The following C13orf42 variants were observed in gnomAD, a reference collection of about 807,000 sequenced individuals.
C13orf42 encodes the protein chromosome 13 open reading frame 42.
Position 51,091,149 on chromosome 13 carries a change from G to C in C13orf42, c.415-3074C>G, listed in dbSNP as rs137979507. On this transcript the variant is annotated intron_variant, in intron 1 of 3. Transcript: ENST00000563710. ...AGTGAGCTCCTTGGCTGACACTGAA[G>C]AGCCTGTTCTTCCAGGTCCCACTTC... Among the ~76,000 whole-genome samples, 1,391 of 152,296 alleles carry C rather than the reference G, an allele frequency of 9.1e-3. 25 individuals are homozygous for C. Among genetic ancestry groups the C allele is most frequent in the African/African-American group, 0.032 (1,332 of 41,566 alleles).
At position 51,084,259 on chromosome 13, in the gene C13orf42, G is replaced by A. The variant is rs745355490; in HGVS notation, c.870C>T (p.Leu290=). Residue 290 remains leucine (L), a synonymous_variant, in exon 4 of 4, where the codon CTC becomes CTT. Coordinates refer to ENST00000563710, the MANE Select transcript of C13orf42 (RefSeq NM_001351589.3). ...GAGACAACTGGGGCTCCAACGCAAA[G>A]AGCTCTGCATCCCACTCCATATCTT... ...SGEDMEWDAE[L]FALEPQLSPG... is the part of the protein sequence containing the mutation. 1.3e-4 allele frequency: 53 copies of A among 398,580 alleles called. No homozygotes were observed. The highest frequency in any genetic ancestry group is 1.9e-4 in the Non-Finnish European group (44 of 226,142). 24.7% of individuals were successfully genotyped at this position (398,580 alleles called of 1,614,324 possible).
At chr13:51,141,073 T>C (rs1953691689) in intron 1 of C13orf42, among the ~76,000 whole-genome samples, 1 of 147,212 alleles carries the variant, frequency 6.8e-6, no homozygotes, top group South Asian at 2.2e-4. Flanking sequence ...TCAGCTTAAT[T>C]AAAAGGCTAA....
intron 1 of C13orf42, among the ~76,000 whole-genome samples, chr13:51,165,885 A>G (rs1195808604): frequency 6.6e-6 from 1 of 152,252 alleles, no homozygotes; most frequent in Non-Finnish European, 1.5e-5. Context: ...TAATCGGCAT[A>G]GCACTATGCA....
chr13:51,116,087 C>A (rs1169981955), upstream of C13orf42, among the ~76,000 whole-genome samples: 1 of 152,050 alleles, frequency 6.6e-6, no homozygotes, highest in East Asian at 1.9e-4. Flanking sequence ...AAAAAAAGTC[C>A]TTGTAAGCAA....
At position 51,133,995 on chromosome 13, in the gene C13orf42, C is replaced by T. The variant is rs181875110; in HGVS notation, n.137-20773G>A. ...CAGGCATCCGCACACCTGCAGCATCCTGTGCACGCTCACACCATGTTCCTT... is the reference window on the plus strand; with the variant it reads ...CAGGCATCCGCACACCTGCAGCATCTTGTGCACGCTCACACCATGTTCCTT... On this transcript the variant is annotated intron_variant and non_coding_transcript_variant, in intron 1 of 4. Coordinates refer to the C13orf42 transcript ENST00000433280. Among the ~76,000 whole-genome samples, 534 of 152,300 alleles carry T rather than the reference C, an allele frequency of 3.5e-3. 4 individuals carry two copies. Among genetic ancestry groups the T allele is most frequent in the African/African-American group, 0.012 (516 of 41,556 alleles).
intron 1 of C13orf42, among the ~76,000 whole-genome samples, chr13:51,133,345 T>C (rs1953633449): frequency 6.6e-6 from 1 of 152,112 alleles, no homozygotes; most frequent in Admixed American, 6.5e-5. Flanking sequence ...TGCTATTTAA[T>C]AGGCACAGAG....
intron 1 of C13orf42, among the ~76,000 whole-genome samples, chr13:51,122,447 T>C (rs1953543358): frequency 6.6e-6 from 1 of 151,252 alleles, no homozygotes; most frequent in South Asian, 2.1e-4. Context: ...AGCAGGAGAA[T>C]TGCTTGAACT....
intron 1 of C13orf42, among the ~76,000 whole-genome samples, chr13:51,130,533 G>C (rs1953608180): frequency 6.6e-6 from 1 of 152,106 alleles, no homozygotes; most frequent in Admixed American, 6.6e-5. Context: ...AATTTATAAA[G>C]GGGATTTATG....
intron 1 of C13orf42, among the ~76,000 whole-genome samples, chr13:51,153,627 TTTC>T (rs1953800670): frequency 7.0e-6 from 1 of 142,560 alleles, no homozygotes; most frequent in Non-Finnish European, 1.5e-5. Flanking sequence ...TTCTGTTTTT[TTTC>T]TTTTTTTTTT....
chr13:51,170,377 C>T (rs1219070160), intron 1 of C13orf42, among the ~76,000 whole-genome samples: 1 of 152,144 alleles, frequency 6.6e-6, no homozygotes, highest in Non-Finnish European at 1.5e-5. Context: ...TGTCCTCCTG[C>T]TCTTTGCTCC....
At chr13:51,171,166 G>C (rs1017230466) in intron 1 of C13orf42, among the ~76,000 whole-genome samples, 1 of 151,892 alleles carries the variant, frequency 6.6e-6, no homozygotes, top group Admixed American at 6.6e-5. Flanking sequence ...CCCTTAGCCT[G>C]TGTTCTCAAA....
chr13:51,113,320 G>T (rs1468204990), upstream of C13orf42: 1 of 152,070 alleles, frequency 6.6e-6, no homozygotes, highest in East Asian at 1.9e-4. Context: ...CCATGACCCA[G>T]CAGCTGACTG....
intron 1 of C13orf42, among the ~76,000 whole-genome samples, chr13:51,143,782 C>T (rs1332106801): frequency 1.3e-5 from 2 of 152,034 alleles, no homozygotes; most frequent in African/African-American, 2.4e-5. Context: ...GCATTAGGTT[C>T]GCTAAAGTTC....
intron 1 of C13orf42, among the ~76,000 whole-genome samples, chr13:51,160,700 T>C (rs1051733228): frequency 5.3e-5 from 8 of 152,084 alleles, no homozygotes; most frequent in Admixed American, 3.3e-4. Context: ...GTGGCAGGTA[T>C]AAAATAAGTG....
At chr13:51,169,502 A>C (rs1566145001) in intron 1 of C13orf42, among the ~76,000 whole-genome samples, 1 of 152,236 alleles carries the variant, frequency 6.6e-6, no homozygotes. Flanking sequence ...GTTGATAGCC[A>C]ACATAATAGG....
At chr13:51,148,164 T>C (rs1953753043) in intron 1 of C13orf42, among the ~76,000 whole-genome samples, 1 of 152,172 alleles carries the variant, frequency 6.6e-6, no homozygotes, top group African/African-American at 2.4e-5. Flanking sequence ...TGATTACTTC[T>C]AGTGGAGAGG....
At chr13:51,152,319 A>G (rs893760396) in intron 1 of C13orf42, among the ~76,000 whole-genome samples, 5 of 152,214 alleles carry the variant, frequency 3.3e-5, no homozygotes, top group African/African-American at 1.2e-4. Flanking sequence ...TTTTATAAAC[A>G]CTTGGTTACA....
In C13orf42 at chr13:51,086,326, A is replaced by C. The variant is rs1189326333; in HGVS notation, c.563-767T>G. ...GTCTCAAAAAAAAAAACAAAAAAAA[A>C]CAAAAAAAAAAACAAGAAGACACAG... On this transcript the variant is annotated intron_variant, in intron 2 of 3. Transcript: ENST00000563710. Among the ~76,000 whole-genome samples, 79 of 145,134 alleles carry C rather than the reference A, an allele frequency of 5.4e-4. No individual in the cohort carries two copies. The East Asian group carries it at 0.014, about 26-fold the overall frequency.
At chr13:51,151,375 G>GAA (rs67940203) in intron 1 of C13orf42, among the ~76,000 whole-genome samples, 72 of 148,768 alleles carry the variant, frequency 4.8e-4, no homozygotes, top group Non-Finnish European at 6.6e-4. Flanking sequence ...GCTGGAAAAG[G>GAA]AAAAAAAAAA....
Sources: gnomAD v4.1 joint callset for allele counts (sites outside exome capture counted in the v4.1 genomes callset) on GRCh38, gnomAD v4.1.1 for gene constraint, MANE v1.5 for transcripts, NCBI Gene and HGNC (gene_info 2026-07-23, HGNC 2026-07-21) for gene names.